Variants in TLK1 observed in about 807,000 individuals in gnomAD.
TLK1 encodes the protein serine/threonine-protein kinase tousled-like 1.
TLK1 carries 24 observed loss-of-function variants against 105.3 expected under a neutral mutation model. That is an observed-to-expected ratio of 0.23 (90% CI 0.17 to 0.32). The LOEUF is 0.32. Ranked by LOEUF, TLK1 falls within the 10% of genes least tolerant of loss-of-function variation. The probability of loss-of-function intolerance (pLI) is 1.00; values close to 1 mark genes in which losing one functional copy is unlikely to be tolerated. For synonymous variants in TLK1, 321 were observed against 310.4 expected, an observed-to-expected ratio of 1.03 and a Z score of -0.36; for missense variants, 558 against 910.5, an observed-to-expected ratio of 0.61 and a Z score of 4.98.
chr2:171,160,990 A>C (rs1250561085), upstream of TLK1: 1 of 131,438 alleles, frequency 7.6e-6, no homozygotes, highest in Non-Finnish European at 1.4e-5. This position sits in a 1 kb window ranked among gnomAD's most constrained non-coding sequence, Gnocchi z 4.4. Context: ...CGGCGGCGGC[A>C]GCGGCGGCCG....
chr2:171,158,960 AT>A (rs1202430321), intron 1 of TLK1, among the ~76,000 whole-genome samples: 1 of 152,222 alleles, frequency 6.6e-6, no homozygotes, highest in Non-Finnish European at 1.5e-5. Flanking sequence ...TCTAGAGCAT[AT>A]TCATGCCAAT....
intron 1 of TLK1, among the ~76,000 whole-genome samples, chr2:171,129,063 T>C (rs1156349042): frequency 6.6e-6 from 1 of 152,096 alleles, no homozygotes; most frequent in African/African-American, 2.4e-5. Flanking sequence ...GAAGGAATGT[T>C]CTCTAAGAAA....
At chr2:171,150,294 T>TA (rs1242325670) in intron 1 of TLK1, among the ~76,000 whole-genome samples, 4 of 151,930 alleles carry the variant, frequency 2.6e-5, no homozygotes, top group African/African-American at 4.8e-5. Context: ...ATCTAGTATT[T>TA]AAAAAAAAGG....
intron 8 of TLK1, among the ~76,000 whole-genome samples, chr2:171,050,934 T>A (rs1483482686): frequency 6.6e-6 from 1 of 152,226 alleles, no homozygotes; most frequent in Non-Finnish European, 1.5e-5. Flanking sequence ...ATGCTCCTGG[T>A]CTGAAGATCA....
chr2:171,173,879 C>T (rs540010319), intron 1 of TLK1, among the ~76,000 whole-genome samples: 1 of 152,038 alleles, frequency 6.6e-6, no homozygotes, highest in African/African-American at 2.4e-5. Flanking sequence ...GTTAGTTATC[C>T]AAACAAGAGA....
intron 1 of TLK1, among the ~76,000 whole-genome samples, chr2:171,121,628 A>G (rs1478595653): frequency 6.6e-6 from 1 of 152,250 alleles, no homozygotes; most frequent in Non-Finnish European, 1.5e-5. Flanking sequence ...ATGAAAAGGT[A>G]AACAACAGAT....
intron 2 of TLK1, among the ~76,000 whole-genome samples, chr2:171,096,404 T>C (rs1013942063): frequency 6.6e-6 from 1 of 151,946 alleles, no homozygotes; most frequent in Non-Finnish European, 1.5e-5. Context: ...ATACTAATGA[T>C]CTGAAAAAGA....
intron 3 of TLK1, among the ~76,000 whole-genome samples, chr2:171,071,009 GTC>G (rs1343546482): frequency 1.3e-5 from 2 of 152,220 alleles, no homozygotes; most frequent in African/African-American, 4.8e-5. Flanking sequence ...TGATTTGCAT[GTC>G]TCTGATAAAC....
intron 2 of TLK1, among the ~76,000 whole-genome samples, chr2:171,113,199 G>C (rs1176993336): frequency 2.0e-5 from 3 of 151,478 alleles, no homozygotes; most frequent in Non-Finnish European, 4.4e-5. Flanking sequence ...CAAGAACACA[G>C]ATCACTGAAA....
chr2:171,117,952 T>C, intron 1 of TLK1, 95 bp from the exon 2 acceptor site: 1 of 835,300 alleles, frequency 1.2e-6, no homozygotes. Context: ...GTTAAGATGT[T>C]AAAAATTTAG....
At chr2:171,050,784 G>A (rs780925689) in intron 8 of TLK1, among the ~76,000 whole-genome samples, 12 of 152,298 alleles carry the variant, frequency 7.9e-5, no homozygotes, top group African/African-American at 2.9e-4. Context: ...CAAAAGATGA[G>A]TCTGATTAGT....
intron 1 of TLK1, among the ~76,000 whole-genome samples, chr2:171,205,988 G>A (rs1693498526): frequency 6.6e-6 from 1 of 152,110 alleles, no homozygotes; most frequent in Non-Finnish European, 1.5e-5. Context: ...CAACAACTAA[G>A]TGCTTTATGG....
chr2:171,169,950 G>GA (rs1192087861), intron 1 of TLK1, among the ~76,000 whole-genome samples: 1 of 152,108 alleles, frequency 6.6e-6, no homozygotes, highest in Non-Finnish European at 1.5e-5. Context: ...GGCCATCTTT[G>GA]AAAATCACAG....
At chr2:171,098,085 T>C (rs985386320) in intron 2 of TLK1, among the ~76,000 whole-genome samples, 13 of 152,166 alleles carry the variant, frequency 8.5e-5, no homozygotes, top group African/African-American at 2.4e-4. Context: ...AGTACAACGA[T>C]GGTTGCCAGG....
At chr2:171,140,734 C>A (rs564039217) in intron 1 of TLK1, among the ~76,000 whole-genome samples, 3 of 152,138 alleles carry the variant, frequency 2.0e-5, no homozygotes, top group Non-Finnish European at 2.9e-5. Flanking sequence ...CAGTTTTTCA[C>A]ATCAAATGTC....
At position 171,133,672 on chromosome 2, in the gene TLK1, CAT is replaced by C. The variant is rs557739454; in HGVS notation, c.140-15817_140-15816del. Among the ~76,000 whole-genome samples, 12 of 151,636 alleles carry C rather than the reference CAT, an allele frequency of 7.9e-5. No individual in the cohort carries two copies. In the East Asian group the frequency reaches 2.3e-3, roughly 29 times the overall value. On this transcript the variant is annotated intron_variant, in intron 1 of 20. Transcript: ENST00000431350. ...TTTCTGGCTTTAGACACTGATAGTT[CAT>C]AGTGTCTAACTATGAACAATGATGA... is the stretch of plus-strand genomic sequence containing the variant.
chr2:171,050,036 G>C (rs374684807), intron 9 of TLK1, 28 bp downstream of exon 9: 61 of 1,605,836 alleles, frequency 3.8e-5, no homozygotes, highest in Admixed American at 5.1e-5. Flanking sequence ...TGAAGGGAAA[G>C]CGAAAATTTA....
chr2:171,071,541 C>T (rs1037244225), intron 3 of TLK1, among the ~76,000 whole-genome samples: 14 of 152,138 alleles, frequency 9.2e-5, no homozygotes, highest in African/African-American at 3.4e-4. Context: ...CCTGCCTCTG[C>T]CTCCCACAGT....
At chr2:171,189,955 A>G (rs552388767) in intron 1 of TLK1, among the ~76,000 whole-genome samples, 3 of 152,212 alleles carry the variant, frequency 2.0e-5, no homozygotes, top group African/African-American at 7.2e-5. Context: ...AAAAGAAAAA[A>G]GGGCAGAAGG....
Sources: allele counts gnomAD v4.1 joint callset (sites outside exome capture counted in the v4.1 genomes callset), GRCh38; gene constraint gnomAD v4.1.1; non-coding constraint Gnocchi (gnomAD v3.1); transcripts MANE v1.5; gene names NCBI Gene and HGNC (gene_info 2026-07-23, HGNC 2026-07-21).